NUP88: variants seen among roughly 807,000 people sequenced by gnomAD.
The protein encoded by NUP88 is nuclear pore complex protein Nup88.
Under a neutral mutation model 93.9 loss-of-function variants are expected in NUP88, and 57 were observed. That is an observed-to-expected ratio of 0.61 (90% CI 0.49 to 0.76). NUP88 has a LOEUF of 0.76. Ranked by LOEUF, NUP88 falls within the 30% of genes least tolerant of loss-of-function variation. The pLI, the probability that NUP88 is intolerant of heterozygous loss-of-function variation, is 0.00. For missense variants in NUP88, 911 were observed against 901.0 expected (o/e 1.01, Z -0.14); for synonymous variants, 346 against 336.8 (o/e 1.03, Z -0.30).
intron 8 of NUP88, among the ~76,000 whole-genome samples, chr17:5,399,104 G>A (rs186414323): frequency 1.3e-5 from 2 of 150,502 alleles, no homozygotes; most frequent in African/African-American, 4.9e-5. Context: ...TGTTAGCCAG[G>A]ATGGTCTCAA....
chr17:5,388,597 TTC>T (rs1912207557), intron 11 of NUP88: 3 of 495,094 alleles, frequency 6.1e-6, no homozygotes, highest in Non-Finnish European at 6.9e-6. Flanking sequence ...CTAGCCTAAC[TTC>T]TTTTTAAACA....
intron 10 of NUP88, among the ~76,000 whole-genome samples, chr17:5,390,717 TA>T (rs748379059): frequency 7.2e-6 from 1 of 139,636 alleles, no homozygotes; most frequent in African/African-American, 2.7e-5. Flanking sequence ...TTTTTTTTTT[TA>T]AAAGACACAG....
intron 1 of NUP88, among the ~76,000 whole-genome samples, chr17:5,418,632 G>A (rs1259198295): frequency 2.0e-5 from 3 of 152,148 alleles, no homozygotes; most frequent in Admixed American, 2.0e-4. Context: ...CAGAAGCATT[G>A]CTAGCGTCTT....
chr17:5,414,163 C>T, intron 2 of NUP88, 29 bp from the exon 3 acceptor site: 1 of 1,601,230 alleles, frequency 6.2e-7, no homozygotes, highest in Non-Finnish European at 8.5e-7. Flanking sequence ...TTTTCCAAAA[C>T]ATTTTGTACA....
chr17:5,417,001 T>G (rs1914191946), intron 1 of NUP88, among the ~76,000 whole-genome samples: 2 of 152,078 alleles, frequency 1.3e-5, no homozygotes, highest in African/African-American at 4.8e-5. Flanking sequence ...AAAAAGGTTT[T>G]TTTTGTAGAG....
intron 10 of NUP88, among the ~76,000 whole-genome samples, chr17:5,390,706 G>GTT: frequency 6.7e-6 from 1 of 148,972 alleles, no homozygotes; most frequent in South Asian, 2.1e-4. Context: ...CAGCTTTTTT[G>GTT]TTTTTTTTTT....
rs535990039 is a variant in NUP88 at position 5,400,385 on chromosome 17, A to G, written c.1193-735T>C. Among the ~76,000 whole-genome samples the G allele has an allele frequency of 4.0e-5, 6 of 151,624 alleles. No homozygotes were observed. In the East Asian group the frequency reaches 1.2e-3, roughly 29 times the overall value. On this transcript the variant is annotated intron_variant, in intron 7 of 16. Coordinates refer to ENST00000573584, the MANE Select transcript of NUP88 (RefSeq NM_002532.6). ...GTGGCATGCACCTGTGATCCCAGCTACTCGGGAGGCTGAGGCAGGAGAATC... is the reference window on the plus strand; with the variant it reads ...GTGGCATGCACCTGTGATCCCAGCTGCTCGGGAGGCTGAGGCAGGAGAATC...
At chr17:5,410,286 TG>T (rs1467977180) in intron 4 of NUP88, among the ~76,000 whole-genome samples, 2 of 152,246 alleles carry the variant, frequency 1.3e-5, no homozygotes, top group Non-Finnish European at 2.9e-5. Flanking sequence ...AAAACCATGC[TG>T]TTTTTATATT....
Position 5,404,131 on chromosome 17 carries a change from G to C in NUP88, c.1160C>G (p.Ser387Cys), listed in dbSNP as rs979353199. The C allele has an allele frequency of 6.2e-7, 1 of 1,613,954 alleles. No individual in the cohort carries two copies. The highest frequency in any genetic ancestry group is 1.7e-5 in the Admixed American group (1 of 59,990). Residue 387 changes from serine to cysteine, a missense_variant, in exon 7 of 17, where the codon TCT (serine) becomes TGT (cysteine). By Grantham distance (112) the Ser-to-Cys change is moderately radical. Coordinates refer to ENST00000573584, the MANE Select transcript of NUP88 (RefSeq NM_002532.6). ...AAGTTTGACTGGACAAGAAAAGTCA[G>C]AATCAAAAGGGTCATCCTCTCCAGA... ...LASGEDDPFD[S>C]DFSCPVKLHR...
intron 8 of NUP88, among the ~76,000 whole-genome samples, chr17:5,396,985 A>G (rs182600840): frequency 6.6e-6 from 1 of 152,160 alleles, no homozygotes; most frequent in Non-Finnish European, 1.5e-5. Flanking sequence ...TCACACAAAT[A>G]TTTTCTCTCA....
At chr17:5,401,213 G>A (rs1490032463) in intron 7 of NUP88, among the ~76,000 whole-genome samples, 2 of 151,920 alleles carry the variant, frequency 1.3e-5, no homozygotes, top group South Asian at 2.1e-4. Context: ...GAGAAACCCC[G>A]TCTCTACTAA....
At chr17:5,397,903 T>C (rs903351072) in intron 8 of NUP88, among the ~76,000 whole-genome samples, 2 of 152,128 alleles carry the variant, frequency 1.3e-5, no homozygotes, top group African/African-American at 4.8e-5. Flanking sequence ...TTTTAATTTA[T>C]TTTTTATTTT....
chr17:5,391,394 T>G (rs373652549), intron 10 of NUP88, 167 bp downstream of exon 10: 8 of 597,606 alleles, frequency 1.3e-5, no homozygotes, highest in Non-Finnish European at 2.4e-5. Context: ...TGAAACCTTA[T>G]AGAGATGATG....
intron 1 of NUP88, among the ~76,000 whole-genome samples, chr17:5,419,049 G>C (rs1467095757): frequency 6.6e-6 from 1 of 152,160 alleles, no homozygotes; most frequent in East Asian, 1.9e-4. Flanking sequence ...GGTTTCTCTC[G>C]ACGAAACTAA....
At chr17:5,415,927 T>G (rs1336215599) in intron 2 of NUP88, among the ~76,000 whole-genome samples, 1 of 151,718 alleles carries the variant, frequency 6.6e-6, no homozygotes, top group Non-Finnish European at 1.5e-5. Context: ...GGTGGATCAC[T>G]TGAGGTCAGG....
chr17:5,403,109 C>A (rs879609037), intron 7 of NUP88, among the ~76,000 whole-genome samples: 1 of 152,128 alleles, frequency 6.6e-6, no homozygotes, highest in Non-Finnish European at 1.5e-5. Context: ...TCTGGAAGGC[C>A]GAGGCAGGTG....
intron 9 of NUP88, among the ~76,000 whole-genome samples, chr17:5,392,634 C>G (rs1912511920): frequency 6.6e-6 from 1 of 152,208 alleles, no homozygotes; most frequent in African/African-American, 2.4e-5. Context: ...CCCATGCGAC[C>G]TTCCCTGGTC....
chr17:5,399,721 G>A lies in NUP88; in HGVS notation c.1193-71C>T, dbSNP rs534007656. On this transcript the variant is annotated intron_variant, in intron 7 of 16. Coordinates refer to ENST00000573584, the MANE Select transcript of NUP88 (RefSeq NM_002532.6). ...TAAAAAAATTTACCTCAAATTTGTTGGCTACTCCACATTAGCCTACAAACG... is the reference window on the plus strand; with the variant it reads ...TAAAAAAATTTACCTCAAATTTGTTAGCTACTCCACATTAGCCTACAAACG... 25 of 753,532 alleles carry A rather than the reference G, an allele frequency of 3.3e-5. No homozygotes were observed. In the African/African-American group the frequency reaches 3.6e-4, roughly 11 times the overall value. The allele number at this position is 753,532 out of a possible 1,614,324, so 46.7% of individuals were successfully genotyped here.
intron 1 of NUP88, chr17:5,417,931 G>C (rs1914263608): frequency 6.6e-6 from 1 of 152,130 alleles, no homozygotes. Context: ...CACGAGGTCA[G>C]GAGTTCAAGA....
Sources: gnomAD v4.1 joint callset for allele counts (sites outside exome capture counted in the v4.1 genomes callset) on GRCh38, gnomAD v4.1.1 for gene constraint, MANE v1.5 for transcripts, NCBI Gene and HGNC (gene_info 2026-07-23, HGNC 2026-07-21) for gene names.